Variants in ERC2 observed in about 807,000 individuals in gnomAD.
The protein encoded by ERC2 is ERC protein 2.
Under a neutral mutation model 114.8 loss-of-function variants are expected in ERC2, and 42 were observed. The ratio of observed to expected loss-of-function variants is 0.37; its 90% confidence interval spans 0.29 to 0.47. The LOEUF (loss-of-function observed/expected upper bound fraction) is 0.47, where lower values mean the gene tolerates loss of function less well. Among genes scored for constraint, ERC2 ranks in the 20% least tolerant of loss-of-function variants. The probability of loss-of-function intolerance (pLI) is 0.99; values close to 1 mark genes in which losing one functional copy is unlikely to be tolerated. For missense variants in ERC2, 939 were observed against 1,150.7 expected, an observed-to-expected ratio of 0.82 and a Z score of 2.66; for synonymous variants, 454 against 425.5, an observed-to-expected ratio of 1.07 and a Z score of -0.82.
rs527313402 is a variant in ERC2, at chr3:56,184,879, TG to T, written c.1075-11360del. On this transcript the variant is annotated intron_variant, in intron 3 of 17. Transcript: ENST00000288221. ...GGAAGAATGGCTTTGGAAAACCTCATGGAAGAGTACATGTGGGTGATTAATC... is the reference window on the plus strand; with the variant it reads ...GGAAGAATGGCTTTGGAAAACCTCATGAAGAGTACATGTGGGTGATTAATC... Among the ~76,000 whole-genome samples the T allele has an allele frequency of 7.5e-4, 115 of 152,318 alleles. 2 individuals carry two copies. Among genetic ancestry groups the T allele is most frequent in the Middle Eastern group, 6.8e-3 (2 of 294 alleles).
chr3:56,102,682 C>G (rs2078426697), intron 6 of ERC2, among the ~76,000 whole-genome samples: 3 of 152,188 alleles, frequency 2.0e-5, no homozygotes, highest in Admixed American at 2.0e-4. Flanking sequence ...TAATATTATG[C>G]TCTTCTAAAC....
At chr3:56,403,492 G>A (rs1247421280) in intron 2 of ERC2, among the ~76,000 whole-genome samples, 1 of 152,230 alleles carries the variant, frequency 6.6e-6, no homozygotes, top group African/African-American at 2.4e-5. Context: ...TCCCATCCCT[G>A]CAGTGTTCCA....
At chr3:55,631,079 TTAAG>T (rs1442433214) in intron 17 of ERC2, among the ~76,000 whole-genome samples, 1 of 152,058 alleles carries the variant, frequency 6.6e-6, no homozygotes, top group Non-Finnish European at 1.5e-5. Context: ...CTAGTTTCTG[TTAAG>T]TAAGTGATTG....
chr3:55,938,712 A>G (rs2066600578), intron 13 of ERC2, among the ~76,000 whole-genome samples: 2 of 152,216 alleles, frequency 1.3e-5, no homozygotes, highest in South Asian at 4.1e-4. Context: ...CAACCAAAAT[A>G]AAAACAAGTC....
intron 14 of ERC2, among the ~76,000 whole-genome samples, chr3:55,774,579 T>C (rs563336640): frequency 3.8e-4 from 58 of 152,244 alleles, no homozygotes; most frequent in Non-Finnish European, 7.2e-4. Context: ...GTATTCATTC[T>C]GCAGGTTTGG....
intron 17 of ERC2, among the ~76,000 whole-genome samples, chr3:55,637,425 G>T (rs773797334): frequency 2.0e-5 from 3 of 152,144 alleles, no homozygotes; most frequent in Non-Finnish European, 4.4e-5. Context: ...GCACTGCCAG[G>T]GACCAGGCCC....
chr3:55,563,770 T>G (rs1038653578), intron 17 of ERC2, among the ~76,000 whole-genome samples: 3 of 151,950 alleles, frequency 2.0e-5, no homozygotes, highest in Non-Finnish European at 2.9e-5. Context: ...GATGGAAAGA[T>G]AGAGAGATAG....
chr3:56,131,325 G>A (rs1393195571), intron 6 of ERC2, among the ~76,000 whole-genome samples: 1 of 152,036 alleles, frequency 6.6e-6, no homozygotes, highest in Non-Finnish European at 1.5e-5. Flanking sequence ...ATGACACCAG[G>A]GCTTTGTTTT....
In ERC2 at chr3:56,173,604, C is replaced by G. The variant is rs2082801931; in HGVS notation, c.1075-84G>C. ...CTTTACACAGGTACTACACAGCCTG[C>G]TGGGTCCTGGTTCCCCTTGCACAGA... is the stretch of plus-strand genomic sequence containing the variant. On this transcript the variant is annotated intron_variant, in intron 3 of 17. Coordinates refer to ENST00000288221, the MANE Select transcript of ERC2 (RefSeq NM_015576.3). The G allele has an allele frequency of 2.3e-6, 3 of 1,307,334 alleles. No homozygotes were observed. In the Admixed American group the frequency reaches 6.0e-5, roughly 26 times the overall value. The allele number at this position is 1,307,334 out of a possible 1,614,324, so 81.0% of individuals were successfully genotyped here. A position where few individuals can be genotyped will look rare whatever the true frequency, so the allele number is the denominator to read the frequency against.
intron 14 of ERC2, among the ~76,000 whole-genome samples, chr3:55,750,601 C>G (rs2066634748): frequency 6.6e-6 from 1 of 152,092 alleles, no homozygotes; most frequent in Non-Finnish European, 1.5e-5. Context: ...TGGAAGGGCT[C>G]TGGAAGGAAA....
At chr3:55,928,119 T>C (rs147083332) in intron 13 of ERC2, among the ~76,000 whole-genome samples, 100 of 152,336 alleles carry the variant, frequency 6.6e-4, no homozygotes, top group African/African-American at 2.2e-3. Flanking sequence ...TTTGGGTATA[T>C]ACCTAGCAGT....
At chr3:55,826,584 A>C (rs1199163786) in intron 14 of ERC2, among the ~76,000 whole-genome samples, 1 of 152,212 alleles carries the variant, frequency 6.6e-6, no homozygotes, top group Non-Finnish European at 1.5e-5. Context: ...ATCATTGTTT[A>C]ACAATTTCCA....
intron 17 of ERC2, among the ~76,000 whole-genome samples, chr3:55,664,492 G>C (rs966021228): frequency 7.2e-5 from 11 of 152,182 alleles, no homozygotes; most frequent in Admixed American, 2.6e-4. Context: ...TCCTGAGCCC[G>C]AGCTCACGAA....
chr3:55,781,762 C>A (rs2069069852), intron 14 of ERC2, among the ~76,000 whole-genome samples: 1 of 151,726 alleles, frequency 6.6e-6, no homozygotes, highest in South Asian at 2.1e-4. Flanking sequence ...ATCCCAGCTA[C>A]CCAGGAGGCA....
intron 13 of ERC2, among the ~76,000 whole-genome samples, 194 bp from the exon 14 acceptor site, chr3:55,888,743 A>C (rs1019171789): frequency 2.6e-5 from 4 of 151,994 alleles, no homozygotes; most frequent in African/African-American, 9.7e-5. Flanking sequence ...GATATAATGG[A>C]CTCTGGGGAG....
chr3:56,008,208 C>T (rs902784639), intron 9 of ERC2, among the ~76,000 whole-genome samples: 1 of 152,162 alleles, frequency 6.6e-6, no homozygotes, highest in Non-Finnish European at 1.5e-5. Flanking sequence ...AATGGTCTCT[C>T]TGTAAACAAC....
chr3:55,997,929 G>T (rs375228038), intron 10 of ERC2, among the ~76,000 whole-genome samples: 12,998 of 56,742 alleles, frequency 0.23, 1,734 homozygotes, highest in East Asian at 0.43. Context: ...TGTGTTTTTT[G>T]TTTTTTTTTT....
chr3:55,823,773 T>C (rs2060220083), intron 14 of ERC2, among the ~76,000 whole-genome samples: 1 of 152,230 alleles, frequency 6.6e-6, no homozygotes, highest in Non-Finnish European at 1.5e-5. Flanking sequence ...GACTGACTTC[T>C]GTTTAATGAA....
intron 2 of ERC2, among the ~76,000 whole-genome samples, chr3:56,400,104 C>T (rs997838438): frequency 1.3e-5 from 2 of 151,416 alleles, no homozygotes; most frequent in Admixed American, 6.6e-5. Flanking sequence ...AGAAATATTG[C>T]TAATTTTCCA....
Sources: gnomAD v4.1 joint callset for allele counts (sites outside exome capture counted in the v4.1 genomes callset) on GRCh38, gnomAD v4.1.1 for gene constraint, MANE v1.5 for transcripts, NCBI Gene and HGNC (gene_info 2026-07-23, HGNC 2026-07-21) for gene names.